The following BRAF variants were observed in gnomAD, a reference collection of about 807,000 sequenced individuals.
BRAF encodes the protein B-Raf proto-oncogene, serine/threonine kinase.
Under a neutral mutation model 104.6 loss-of-function variants are expected in BRAF, and 16 were observed. The observed-to-expected ratio is 0.15, with a 90% confidence interval of 0.10 to 0.23. BRAF has a LOEUF of 0.23. Among genes scored for constraint, BRAF ranks in the 10% least tolerant of loss-of-function variants. The probability of loss-of-function intolerance (pLI) is 1.00; values close to 1 mark genes in which losing one functional copy is unlikely to be tolerated. For synonymous variants in BRAF, 310 were observed against 341.6 expected (o/e 0.91, Z 1.02); for missense variants, 541 against 937.3 (o/e 0.58, Z 5.52).
chr7:140,899,729 T>A (rs974290129), intron 1 of BRAF, among the ~76,000 whole-genome samples: 1 of 152,204 alleles, frequency 6.6e-6, no homozygotes, highest in Non-Finnish European at 1.5e-5. Context: ...GAATTTTTTA[T>A]GTATATTTTT....
At chr7:140,892,649 G>C (rs1563021254) in intron 1 of BRAF, among the ~76,000 whole-genome samples, 1 of 152,208 alleles carries the variant, frequency 6.6e-6, no homozygotes, top group Non-Finnish European at 1.5e-5. Flanking sequence ...ATGGCTGATA[G>C]ACGTGGGCAG....
chr7:140,722,595 G>A lies in BRAF; in HGVS notation c.*3899C>T. ...ATGGTTGGAATCTGCTCGTCTCAAG[G>A]TGCTGGTATTCCTAGCACTAACAAT... is the stretch of plus-strand genomic sequence containing the variant. On this transcript the variant is annotated 3_prime_UTR_variant, in exon 20 of 20. Coordinates refer to ENST00000644969, the MANE Select transcript of BRAF (RefSeq NM_001374258.1). The A allele has an allele frequency of 9.5e-7, 1 of 1,055,140 alleles. No homozygotes were observed. The highest frequency in any genetic ancestry group is 1.1e-6 in the Non-Finnish European group (1 of 872,916). The allele number at this position is 1,055,140 out of a possible 1,614,324, so 65.4% of individuals were successfully genotyped here. A position where few individuals can be genotyped will look rare whatever the true frequency, so the allele number is the denominator to read the frequency against.
chr7:140,808,555 T>C (rs1267563213), intron 4 of BRAF, among the ~76,000 whole-genome samples: 2 of 152,036 alleles, frequency 1.3e-5, no homozygotes, highest in African/African-American at 4.8e-5. Context: ...AATTTTGATA[T>C]ACCTTTTGTG....
In BRAF at chr7:140,740,312, G is replaced by A. The variant is rs142952236; in HGVS notation, c.2113-366C>T. Reference sequence around the variant, plus strand: ...ATTTATTCAGCACTTCTTGTTGTTGGACGTTGTGTTAAGTCCTCTATATAT... The same window carrying A: ...ATTTATTCAGCACTTCTTGTTGTTGAACGTTGTGTTAAGTCCTCTATATAT... On this transcript the variant is annotated intron_variant, in intron 17 of 19. Coordinates refer to ENST00000644969, the MANE Select transcript of BRAF (RefSeq NM_001374258.1). 2.8e-3 allele frequency: 591 copies of A among 208,538 alleles called. 6 individuals are homozygous for A. The highest frequency in any genetic ancestry group is 0.013 in the African/African-American group (546 of 42,960). The allele number at this position is 208,538 out of a possible 1,614,324, so 12.9% of individuals were successfully genotyped here. A position where few individuals can be genotyped will look rare whatever the true frequency, so the allele number is the denominator to read the frequency against.
intron 1 of BRAF, among the ~76,000 whole-genome samples, chr7:140,863,033 T>C (rs1287167385): frequency 6.6e-6 from 1 of 152,180 alleles, no homozygotes; most frequent in African/African-American, 2.4e-5. Flanking sequence ...AAAAATTTAC[T>C]TCAATAGGAA....
chr7:140,803,740 G>GA lies in BRAF; in HGVS notation c.712-2181dup, dbSNP rs373779266. Among the ~76,000 whole-genome samples the GA allele has an allele frequency of 3.0e-3, 463 of 152,190 alleles. 2 individuals are homozygous for GA. The highest frequency in any genetic ancestry group is 9.6e-3 in the African/African-American group (398 of 41,514). On this transcript the variant is annotated intron_variant, in intron 5 of 19. Transcript: ENST00000644969. ...TCACGTAACAGAACTGCACTAGGAA[G>GA]AATCTATCCCACTAAAGCCAGAAAT...
intron 14 of BRAF, among the ~76,000 whole-genome samples, chr7:140,765,976 T>A: frequency 6.9e-6 from 1 of 145,552 alleles, no homozygotes. Context: ...TTATAAATCA[T>A]GCTGCTATAA....
chr7:140,744,910 A>C (rs1448312390), intron 17 of BRAF, among the ~76,000 whole-genome samples: 1 of 152,144 alleles, frequency 6.6e-6, no homozygotes, highest in South Asian at 2.1e-4. Context: ...TTGAAGTCAC[A>C]ATTTTGTAAA....
Position 140,720,208 on chromosome 7 carries a change from C to T in BRAF, c.*6286G>A. 2 of 1,062,670 alleles carry T rather than the reference C, an allele frequency of 1.9e-6. No individual in the cohort carries two copies. The highest frequency in any genetic ancestry group is 4.2e-4 in the Middle Eastern group (1 of 2,378). 65.8% of individuals were successfully genotyped at this position (1,062,670 alleles called of 1,614,324 possible). A position where few individuals can be genotyped will look rare whatever the true frequency, so the allele number is the denominator to read the frequency against. ...GTTGAGGAAAGGATCAGATGTACAA[C>T]CAACAAATGAGATTACCACAAATAC... On this transcript the variant is annotated 3_prime_UTR_variant, in exon 20 of 20. Transcript: ENST00000644969.
chr7:140,830,654 A>G (rs1806624578), intron 3 of BRAF, among the ~76,000 whole-genome samples: 1 of 152,150 alleles, frequency 6.6e-6, no homozygotes, highest in Non-Finnish European at 1.5e-5. Context: ...CCAACCTCTG[A>G]GAAGTGGGGA....
intron 17 of BRAF, among the ~76,000 whole-genome samples, chr7:140,743,397 A>G (rs1169038543): frequency 6.6e-6 from 1 of 152,174 alleles, no homozygotes; most frequent in East Asian, 1.9e-4. Context: ...GCAGCCATAA[A>G]AAATGATGAG....
At chr7:140,733,812 T>C (rs1167894719) in intron 19 of BRAF, 2 of 183,906 alleles carry the variant, frequency 1.1e-5, no homozygotes, top group Non-Finnish European at 2.1e-5. Flanking sequence ...AGGGGAGAGA[T>C]TGGGTGTGAA....
At chr7:140,813,664 TG>T (rs1403260279) in intron 3 of BRAF, among the ~76,000 whole-genome samples, 1 of 152,162 alleles carries the variant, frequency 6.6e-6, no homozygotes, top group Non-Finnish European at 1.5e-5. Context: ...ATCTATACAA[TG>T]GAACTGTAGT....
intron 1 of BRAF, among the ~76,000 whole-genome samples, chr7:140,906,216 T>G (rs1006612438): frequency 1.3e-5 from 2 of 152,198 alleles, no homozygotes; most frequent in African/African-American, 4.8e-5. Flanking sequence ...CATATATTTT[T>G]TTTGAGACAG....
intron 17 of BRAF, among the ~76,000 whole-genome samples, chr7:140,742,731 C>T (rs1018352467): frequency 2.6e-5 from 4 of 152,074 alleles, no homozygotes; most frequent in African/African-American, 4.8e-5. Context: ...TGGGATCTAA[C>T]TAAACTAAAG....
chr7:140,797,058 T>C (rs1802563514), intron 7 of BRAF, among the ~76,000 whole-genome samples: 1 of 152,188 alleles, frequency 6.6e-6, no homozygotes. Flanking sequence ...CCAAGGTAAC[T>C]TATACCCTAT....
chr7:140,788,101 G>T (rs146688187), intron 8 of BRAF, among the ~76,000 whole-genome samples: 1 of 152,072 alleles, frequency 6.6e-6, no homozygotes, highest in African/African-American at 2.4e-5. Context: ...GTTGACCTAC[G>T]TAACAACCCT....
intron 14 of BRAF, among the ~76,000 whole-genome samples, chr7:140,766,978 C>T (rs1799391098): frequency 6.6e-6 from 1 of 152,048 alleles, no homozygotes; most frequent in African/African-American, 2.4e-5. Flanking sequence ...CAGGTGTGAA[C>T]CACTGCACTC....
At chr7:140,733,039 G>A (rs1241445083) in intron 19 of BRAF, 5 of 151,886 alleles carry the variant, frequency 3.3e-5, no homozygotes, top group South Asian at 2.1e-4. Context: ...TTAAAAATAC[G>A]TGAAATGTTC....
Sources: gnomAD v4.1 joint callset for allele counts (sites outside exome capture counted in the v4.1 genomes callset) on GRCh38, gnomAD v4.1.1 for gene constraint, MANE v1.5 for transcripts, NCBI Gene and HGNC (gene_info 2026-07-23, HGNC 2026-07-21) for gene names.